The following STRBP variants were observed in gnomAD, a reference collection of about 807,000 sequenced individuals.
STRBP encodes the protein spermatid perinuclear RNA binding protein, also known as spermatid perinuclear RNA-binding protein.
In STRBP, 13 loss-of-function variants were observed where a neutral mutation model predicts 80.1. The ratio of observed to expected loss-of-function variants is 0.16; its 90% CI spans 0.11 to 0.26. The LOEUF is 0.26. Ranked by LOEUF, STRBP falls within the 10% of genes least tolerant of loss-of-function variation. The pLI is 1.00. For missense variants in STRBP, 485 were observed against 815.2 expected (o/e 0.59, Z 4.93); for synonymous variants, 284 against 291.2 (o/e 0.98, Z 0.25).
At chr9:123,250,768 C>A (rs1287220087) in intron 1 of STRBP, among the ~76,000 whole-genome samples, 1 of 152,202 alleles carries the variant, frequency 6.6e-6, no homozygotes, top group Non-Finnish European at 1.5e-5. Context: ...AAAACATCAA[C>A]CATTCTTTGA....
intron 1 of STRBP, among the ~76,000 whole-genome samples, chr9:123,250,064 G>C (rs895956359): frequency 6.6e-6 from 1 of 152,180 alleles, no homozygotes; most frequent in Non-Finnish European, 1.5e-5. Context: ...GACACAAAAT[G>C]TTCACTGATC....
chr9:123,212,052 C>T (rs1256465125), intron 2 of STRBP, among the ~76,000 whole-genome samples: 1 of 152,162 alleles, frequency 6.6e-6, no homozygotes, highest in East Asian at 1.9e-4. Flanking sequence ...CAACCTTTTG[C>T]TCTGAATAAG....
chr9:123,233,125 G>A (rs542279993), intron 2 of STRBP, among the ~76,000 whole-genome samples: 1 of 152,298 alleles, frequency 6.6e-6, no homozygotes, highest in Admixed American at 6.5e-5. Context: ...TATGCTGGGA[G>A]TGCAGTGGCG....
intron 16 of STRBP, 45 bp downstream of exon 16, chr9:123,135,996 T>C: frequency 6.2e-7 from 1 of 1,600,830 alleles, no homozygotes; most frequent in Non-Finnish European, 8.5e-7. Context: ...TTAATTCCTC[T>C]AACATTTTTC....
chr9:123,122,448 A>G lies in STRBP; in HGVS notation c.*3149T>C. On this transcript the variant is annotated 3_prime_UTR_variant, in exon 19 of 19. Coordinates refer to ENST00000348403, the MANE Select transcript of STRBP (RefSeq NM_018387.5). ...AAACATTCACCCAAAATTAAAAAAA[A>G]AAAAAAAAAGAAAAGGCCAATACCA... 1 of 1,222,540 alleles carries G rather than the reference A, an allele frequency of 8.2e-7. No individual in the cohort carries two copies. The highest frequency in any genetic ancestry group is 1.0e-6 in the Non-Finnish European group (1 of 963,538). The allele number at this position is 1,222,540 out of a possible 1,614,324, so 75.7% of individuals were successfully genotyped here. A position where few individuals can be genotyped will look rare whatever the true frequency, so the allele number is the denominator to read the frequency against.
intron 2 of STRBP, among the ~76,000 whole-genome samples, chr9:123,228,114 T>A (rs1306627343): frequency 6.6e-6 from 1 of 152,166 alleles, no homozygotes; most frequent in Non-Finnish European, 1.5e-5. Flanking sequence ...GTTAACTCCA[T>A]CGGTTTTGGC....
chr9:123,234,237 T>G (rs999256438), intron 2 of STRBP, among the ~76,000 whole-genome samples: 1 of 151,008 alleles, frequency 6.6e-6, no homozygotes. Flanking sequence ...AACTAAATAC[T>G]TCTAATTTCA....
At chr9:123,201,819 T>A (rs2039335212) in intron 2 of STRBP, among the ~76,000 whole-genome samples, 1 of 152,224 alleles carries the variant, frequency 6.6e-6, no homozygotes, top group Non-Finnish European at 1.5e-5. Flanking sequence ...GTCTCAAAGA[T>A]CTGTCTAGTG....
chr9:123,261,454 G>A (rs573583007), intron 1 of STRBP, among the ~76,000 whole-genome samples: 1 of 152,186 alleles, frequency 6.6e-6, no homozygotes, highest in South Asian at 2.1e-4. Flanking sequence ...ATATTCCATT[G>A]TTCACCTACA....
intron 1 of STRBP, among the ~76,000 whole-genome samples, chr9:123,243,265 CAAAAAAAAAAAA>C (rs1160280485): frequency 2.5e-5 from 2 of 78,952 alleles, no homozygotes; most frequent in African/African-American, 3.7e-5. Flanking sequence ...ATCAATAAGA[CAAAAAAAAAAAA>C]AAAAAAAGAA....
At chr9:123,142,755 T>TAAAAAAAAAAA (rs2036646182) in intron 13 of STRBP, among the ~76,000 whole-genome samples, 1 of 152,134 alleles carries the variant, frequency 6.6e-6, no homozygotes, top group Non-Finnish European at 1.5e-5. Context: ...TTTTTTTTTT[T>TAAAAAAAAAAA]ACTGTTTTAA....
At chr9:123,257,893 T>A (rs990721695) in intron 1 of STRBP, among the ~76,000 whole-genome samples, 13 of 151,828 alleles carry the variant, frequency 8.6e-5, no homozygotes, top group African/African-American at 3.1e-4. Flanking sequence ...TGTATATATA[T>A]TTATTTACAA....
intron 1 of STRBP, among the ~76,000 whole-genome samples, chr9:123,239,352 G>A (rs1350956194): frequency 6.6e-6 from 1 of 152,050 alleles, no homozygotes. Flanking sequence ...TCTGGCCTGG[G>A]TGACAGAGCG....
chr9:123,243,128 T>C (rs970177367), intron 1 of STRBP, among the ~76,000 whole-genome samples: 29 of 151,752 alleles, frequency 1.9e-4, no homozygotes, highest in African/African-American at 2.4e-4. Context: ...CAGAGATCGA[T>C]GGAGTAGAAC....
chr9:123,242,335 G>C (rs568726770), intron 1 of STRBP, among the ~76,000 whole-genome samples: 1 of 152,284 alleles, frequency 6.6e-6, no homozygotes, highest in South Asian at 2.1e-4. Flanking sequence ...CATAACAGAA[G>C]TTCATAAAGA....
At chr9:123,134,707 T>A (rs2036283939) in intron 16 of STRBP, among the ~76,000 whole-genome samples, 1 of 152,202 alleles carries the variant, frequency 6.6e-6, no homozygotes, top group African/African-American at 2.4e-5. Flanking sequence ...TCATGTCTAG[T>A]AGAACAAACT....
intron 3 of STRBP, chr9:123,112,545 C>G (rs2132274055): frequency 6.0e-6 from 1 of 167,516 alleles, no homozygotes; most frequent in African/African-American, 2.4e-5. Context: ...CTTCAACGTG[C>G]CTAGAAACCC....
intron 1 of STRBP, among the ~76,000 whole-genome samples, chr9:123,262,976 A>G (rs1348727308): frequency 6.6e-6 from 1 of 152,264 alleles, no homozygotes; most frequent in East Asian, 1.9e-4. Flanking sequence ...TAACTGACAC[A>G]TACATTAAAC....
chr9:123,264,091 A>G (rs967405510), intron 1 of STRBP, among the ~76,000 whole-genome samples: 1 of 152,192 alleles, frequency 6.6e-6, no homozygotes, highest in Admixed American at 6.5e-5. Context: ...GGGCAGGAGA[A>G]TCACTTGAAC....
Sources: gnomAD v4.1 joint callset for allele counts (sites outside exome capture counted in the v4.1 genomes callset) on GRCh38, gnomAD v4.1.1 for gene constraint, MANE v1.5 for transcripts, NCBI Gene and HGNC (gene_info 2026-07-23, HGNC 2026-07-21) for gene names.